The following ARHGEF7 variants were observed in gnomAD, a reference collection of about 807,000 sequenced individuals.
ARHGEF7 encodes Rho guanine nucleotide exchange factor 7, also known as PAK-interacting exchange factor beta.
Under a neutral mutation model 109.8 loss-of-function variants are expected in ARHGEF7, and 33 were observed. That is an observed-to-expected ratio of 0.30 (90% CI 0.23 to 0.40). The LOEUF is 0.40. ARHGEF7 is among the 10% of genes least tolerant of loss of function. ARHGEF7 has a pLI of 1.00. For synonymous variants in ARHGEF7, 458 were observed against 424.6 expected (o/e 1.08, Z -0.97); for missense variants, 938 against 1,098.5 (o/e 0.85, Z 2.07).
chr13:111,158,669 G>A (rs960106553), intron 2 of ARHGEF7, among the ~76,000 whole-genome samples: 1 of 152,194 alleles, frequency 6.6e-6, no homozygotes, highest in Non-Finnish European at 1.5e-5. Context: ...AGCATGAAAT[G>A]TAGACCAGCT....
At chr13:111,253,367 T>G (rs1205177987) in intron 8 of ARHGEF7, among the ~76,000 whole-genome samples, 1 of 152,236 alleles carries the variant, frequency 6.6e-6, no homozygotes, top group African/African-American at 2.4e-5. Context: ...GTTGGGAATT[T>G]GCTTCTAGTT....
Position 111,205,289 on chromosome 13 carries a change from A to G in ARHGEF7, c.253A>G (p.Thr85Ala). The change falls in exon 3 of 22, where the codon ACG becomes GCG. Residue 85 changes from threonine (T) to alanine (A), a missense_variant and splice_region_variant. Transcript: ENST00000646102. ...TTGCTTGTTTAATTTTTCCTTTCAG[A>G]CGTTTGATGCAAATGATTTGTATCA... ...RGCGASLRLE[T>A]FDANDLYQGQ... 6.3e-7 allele frequency: 1 copy of G among 1,598,416 alleles called. No individual in the cohort carries two copies. Among genetic ancestry groups the G allele is most frequent in the Non-Finnish European group, 8.5e-7 (1 of 1,176,338 alleles).
intron 3 of ARHGEF7, among the ~76,000 whole-genome samples, chr13:111,207,075 C>T (rs1298678038): frequency 6.6e-6 from 1 of 151,658 alleles, no homozygotes; most frequent in Non-Finnish European, 1.5e-5. Context: ...ACAAGAAATA[C>T]TGCAACAGGT....
At chr13:111,217,107 A>C (rs987162199) in intron 4 of ARHGEF7, among the ~76,000 whole-genome samples, 1 of 152,244 alleles carries the variant, frequency 6.6e-6, no homozygotes, top group African/African-American at 2.4e-5. Flanking sequence ...TGTATTAAAA[A>C]GTTAACTGTA....
At chr13:111,178,690 C>T (rs373743364) in intron 2 of ARHGEF7, among the ~76,000 whole-genome samples, 7 of 152,324 alleles carry the variant, frequency 4.6e-5, no homozygotes, top group African/African-American at 1.7e-4. Flanking sequence ...CTGCCGGTAC[C>T]CACCCAGCTT....
rs528095247 is a variant in ARHGEF7, at chr13:111,209,820, C to T, written c.338-52C>T. On this transcript the variant is annotated intron_variant, in intron 3 of 21. Transcript: ENST00000646102. ...TAAAGTCTAGTGTGTAGTGTGGGTG[C>T]GTGGTATCAGGCGCTCTCAGCTCTC... The T allele has an allele frequency of 1.4e-5, 22 of 1,593,878 alleles. No individual in the cohort carries two copies. The African/African-American group carries it at 1.9e-4, about 14-fold the overall frequency.
chr13:111,125,751 A>T (rs1408062750), intron 1 of ARHGEF7, among the ~76,000 whole-genome samples: 1 of 152,242 alleles, frequency 6.6e-6, no homozygotes, highest in African/African-American at 2.4e-5. Context: ...GCTTAAGTTC[A>T]TAAGGGACTT....
intron 7 of ARHGEF7, 72 bp from the exon 8 acceptor site, chr13:111,244,127 T>C: frequency 2.3e-6 from 3 of 1,295,858 alleles, no homozygotes; most frequent in Non-Finnish European, 3.3e-6. Context: ...CAATAGGACA[T>C]TGGGATGGCA....
intron 3 of ARHGEF7, among the ~76,000 whole-genome samples, chr13:111,208,286 A>C (rs1169130987): frequency 6.6e-6 from 1 of 152,156 alleles, no homozygotes; most frequent in Non-Finnish European, 1.5e-5. Context: ...GTGATCCACC[A>C]GCCTCTGCCT....
chr13:111,285,006 A>G (rs1426080172), intron 16 of ARHGEF7, among the ~76,000 whole-genome samples: 9 of 152,202 alleles, frequency 5.9e-5, no homozygotes, highest in Admixed American at 6.5e-5. Flanking sequence ...GAGCTTTCCA[A>G]TTTTTTATAG....
chr13:111,170,450 C>T (rs770094059), intron 2 of ARHGEF7, among the ~76,000 whole-genome samples: 1 of 152,240 alleles, frequency 6.6e-6, no homozygotes, highest in Non-Finnish European at 1.5e-5. Context: ...AATTGCTCTT[C>T]TGTTGACCAT....
At chr13:111,189,555 C>T (rs1304581753) in intron 2 of ARHGEF7, among the ~76,000 whole-genome samples, 1 of 152,084 alleles carries the variant, frequency 6.6e-6, no homozygotes, top group African/African-American at 2.4e-5. Context: ...TAGTGAGGAC[C>T]CAAAGAATGA....
chr13:111,220,891 A>G (rs1467722950), intron 5 of ARHGEF7, among the ~76,000 whole-genome samples: 2 of 151,844 alleles, frequency 1.3e-5, no homozygotes, highest in South Asian at 2.1e-4. Flanking sequence ...GGCCACACGG[A>G]ATCCATAGGT....
intron 1 of ARHGEF7, among the ~76,000 whole-genome samples, chr13:111,152,104 AGT>A (rs2075921136): frequency 6.6e-6 from 1 of 152,246 alleles, no homozygotes; most frequent in Non-Finnish European, 1.5e-5. Context: ...GCCAAAAAAG[AGT>A]GTGTTTCAAG....
intron 6 of ARHGEF7, among the ~76,000 whole-genome samples, chr13:111,237,164 A>G (rs2086949266): frequency 6.6e-6 from 1 of 152,246 alleles, no homozygotes; most frequent in Admixed American, 6.5e-5. Flanking sequence ...TGCCTCAAAC[A>G]GTATAAGCCA....
At position 111,221,237 on chromosome 13, in the gene ARHGEF7, ATATATGTCTATATATATC is replaced by A. The variant is rs1566869075; in HGVS notation, c.670+3363_670+3380del. 2.4e-3 allele frequency among the ~76,000 whole-genome samples: 132 copies of A among 54,212 alleles called. 34 individuals carry two copies. The highest frequency in any genetic ancestry group is 0.01 in the African/African-American group (127 of 12,322). The allele number at this position is 54,212 out of a possible 152,430, so 35.6% of individuals were successfully genotyped here. A position where few individuals can be genotyped will look rare whatever the true frequency, so the allele number is the denominator to read the frequency against. On this transcript the variant is annotated intron_variant, in intron 5 of 21. Transcript: ENST00000646102. Reference sequence around the variant, plus strand: ...TATGTCTATATATATCTATATAGATATATATGTCTATATATATCTATATAGATATATATGTCTATATAT... The same window carrying A: ...TATGTCTATATATATCTATATAGATATATATAGATATATATGTCTATATAT...
chr13:111,139,002 T>C (rs538910719), intron 1 of ARHGEF7, among the ~76,000 whole-genome samples: 1 of 152,166 alleles, frequency 6.6e-6, no homozygotes, highest in African/African-American at 2.4e-5. Context: ...TGAAAAGGGC[T>C]CAAAAAGCAA....
chr13:111,192,507 T>C (rs542114761), intron 2 of ARHGEF7, among the ~76,000 whole-genome samples: 33 of 152,356 alleles, frequency 2.2e-4, no homozygotes, highest in African/African-American at 7.9e-4. Flanking sequence ...AGGTCGTCCA[T>C]ACAGCATTTC....
intron 2 of ARHGEF7, among the ~76,000 whole-genome samples, chr13:111,168,888 G>A (rs1375985233): frequency 2.0e-5 from 3 of 152,220 alleles, no homozygotes; most frequent in African/African-American, 7.2e-5. Context: ...GATGACATGA[G>A]GAGGGTAGGT....
Sources: gnomAD v4.1 joint callset for allele counts (sites outside exome capture counted in the v4.1 genomes callset) on GRCh38, gnomAD v4.1.1 for gene constraint, MANE v1.5 for transcripts, NCBI Gene and HGNC (gene_info 2026-07-23, HGNC 2026-07-21) for gene names.